MLXIP: variants seen among roughly 807,000 people sequenced by gnomAD.
The protein encoded by MLXIP is MLX-interacting protein.
A neutral mutation model predicts 87.2 loss-of-function variants in MLXIP; 30 were observed. The observed-to-expected ratio is 0.34, with a 90% CI of 0.26 to 0.47. The LOEUF (loss-of-function observed/expected upper bound fraction) is 0.47, where lower values mean the gene tolerates loss of function less well. Among genes scored for constraint, MLXIP ranks in the 20% least tolerant of loss-of-function variants. The probability of loss-of-function intolerance (pLI) is 1.00; values close to 1 mark genes in which losing one functional copy is unlikely to be tolerated. For missense variants in MLXIP, 1,002 were observed against 1,240.1 expected (o/e 0.81, Z 2.88); for synonymous variants, 530 against 514.0 (o/e 1.03, Z -0.42).
chr12:122,087,977 G>A (rs1952192268), intron 1 of MLXIP, among the ~76,000 whole-genome samples: 1 of 152,246 alleles, frequency 6.6e-6, no homozygotes, highest in Non-Finnish European at 1.5e-5. Flanking sequence ...GGCTGGGCAA[G>A]GAGCGGTCAG....
At chr12:122,081,084 C>T (rs1952084425) in intron 1 of MLXIP, among the ~76,000 whole-genome samples, 1 of 152,010 alleles carries the variant, frequency 6.6e-6, no homozygotes, top group East Asian at 1.9e-4. Context: ...TTAGTAATGG[C>T]ATTTTTTTTT....
chr12:122,091,167 A>G (rs1225078473), intron 1 of MLXIP, among the ~76,000 whole-genome samples: 1 of 152,194 alleles, frequency 6.6e-6, no homozygotes, highest in Non-Finnish European at 1.5e-5. Context: ...CTGACTTTCA[A>G]CATTATCTTT....
At chr12:122,111,358 T>G (rs542174511) in intron 1 of MLXIP, among the ~76,000 whole-genome samples, 1 of 152,362 alleles carries the variant, frequency 6.6e-6, no homozygotes, top group Non-Finnish European at 1.5e-5. Context: ...GGCTAGAGAA[T>G]GCTGTTCCTT....
Position 122,129,117 on chromosome 12 carries a change from GCT to G in MLXIP, c.607-15_607-14del. 6.3e-7 allele frequency: 1 copy of G among 1,590,632 alleles called. No individual in the cohort carries two copies. The highest frequency in any genetic ancestry group is 1.7e-4 in the Middle Eastern group (1 of 6,038). On this transcript the variant is annotated intron_variant, in intron 3 of 16. Coordinates refer to ENST00000319080, the MANE Select transcript of MLXIP (RefSeq NM_014938.6). ...TCAAGCAGAGCCCCCTCTTCACTCTGCTCTCTGTCCCTGTCCTAGGCCATCAC... is the reference window on the plus strand; with the variant it reads ...TCAAGCAGAGCCCCCTCTTCACTCTGCTCTGTCCCTGTCCTAGGCCATCAC...
intron 1 of MLXIP, among the ~76,000 whole-genome samples, chr12:122,126,944 T>C (rs922274938): frequency 3.3e-5 from 5 of 152,212 alleles, no homozygotes; most frequent in Admixed American, 3.3e-4. Context: ...GTCTGGTTCA[T>C]GGAATCCTCC....
At chr12:122,080,829 G>A (rs186948014) in intron 1 of MLXIP, among the ~76,000 whole-genome samples, 2 of 152,310 alleles carry the variant, frequency 1.3e-5, no homozygotes, top group East Asian at 3.9e-4. Flanking sequence ...GCTATGCCTC[G>A]AGAGAGCCTT....
chr12:122,130,948 CAG>C lies in MLXIP; in HGVS notation c.1000+22_1000+23del, dbSNP rs1014653130. 6.3e-7 allele frequency: 1 copy of C among 1,581,450 alleles called. No homozygotes were observed. Among genetic ancestry groups the C allele is most frequent in the African/African-American group, 1.3e-5 (1 of 74,260 alleles). ...GCCTTTCCAGGGTGAGGACCAGAGG[CAG>C]AGAGAGCACGGTTGCCTCCATCTCC... is the stretch of plus-strand genomic sequence containing the variant. On this transcript the variant is annotated intron_variant, in intron 7 of 16. Transcript: ENST00000319080.
rs762969814 is a variant in MLXIP, at chr12:122,138,435, C to T, written c.2268C>T (p.Ala756=). 5.6e-6 allele frequency: 9 copies of T among 1,613,714 alleles called. No individual in the cohort carries two copies. In the East Asian group the frequency reaches 6.7e-5, roughly 12 times the overall value. The change falls in exon 14 of 17, where the codon GCC becomes GCT. Residue 756 remains alanine (A), a synonymous_variant. Transcript: ENST00000319080. ...ISNNSKLTSH[A]ITLQKTVEYI... Reference sequence around the variant, plus strand: ...TGCCCCTTCTGCAGACCAGTCACGCCATCACACTGCAGAAGACTGTGGAGT... The same window carrying T: ...TGCCCCTTCTGCAGACCAGTCACGCTATCACACTGCAGAAGACTGTGGAGT...
rs975190267 is a variant in MLXIP at position 122,140,960 on chromosome 12, A to C, written c.2515A>C (p.Ile839Leu). The change falls in exon 16 of 17, where the codon ATC (isoleucine) becomes CTC (leucine). Residue 839 changes from isoleucine to leucine, a missense_variant. Coordinates refer to ENST00000319080, the MANE Select transcript of MLXIP (RefSeq NM_014938.6). The part of the protein sequence containing the change: ...LQNWKFWIFS[I>L]IIKPLFESFK... ...CTTTAACCACACACTGCAGTTCAGC[A>C]TCATCATCAAGCCGCTGTTTGAGTC... 6.2e-7 allele frequency: 1 copy of C among 1,613,866 alleles called. No individual in the cohort carries two copies. The highest frequency in any genetic ancestry group is 1.3e-5 in the African/African-American group (1 of 74,912).
chr12:122,086,287 A>G (rs1339582857), intron 1 of MLXIP, among the ~76,000 whole-genome samples: 1 of 149,984 alleles, frequency 6.7e-6, no homozygotes, highest in Non-Finnish European at 1.5e-5. Context: ...CAGTGACAAC[A>G]GGAAACTCAT....
At chr12:122,119,694 T>C (rs976946013) in intron 1 of MLXIP, among the ~76,000 whole-genome samples, 4 of 152,234 alleles carry the variant, frequency 2.6e-5, no homozygotes, top group Non-Finnish European at 4.4e-5. Flanking sequence ...CCTGGCGATA[T>C]GCCAGTTTTG....
chr12:122,133,367 C>T lies in MLXIP; in HGVS notation c.1112C>T (p.Thr371Ile), dbSNP rs1336217448. 3.8e-6 allele frequency: 6 copies of T among 1,573,414 alleles called. No individual in the cohort carries two copies. Among genetic ancestry groups the T allele is most frequent in the South Asian group, 1.2e-5 (1 of 86,598 alleles). The change falls in exon 9 of 17, where the codon ACA (threonine) becomes ATA (isoleucine). Residue 371 changes from threonine to isoleucine, a missense_variant. Physicochemically the swap from Thr to Ile is moderately conservative, Grantham distance 89. Transcript: ENST00000319080. This position sits in a 1 kb window ranked among gnomAD's most constrained non-coding sequence, Gnocchi z 4.9. ...PPAQESILPT[T>I]ALPTVSLPDS... ...TTTCAGGAGAGCATCCTGCCGACCA[C>T]AGCCCTCCCCACTGTGAGCCTTCCT...
chr12:122,088,297 C>G (rs1045169560), intron 1 of MLXIP, among the ~76,000 whole-genome samples: 1 of 152,134 alleles, frequency 6.6e-6, no homozygotes, highest in Non-Finnish European at 1.5e-5. Flanking sequence ...TCTGGTGGTG[C>G]TGGAGAAATA....
intron 8 of MLXIP, 53 bp downstream of exon 8, chr12:122,132,436 C>A: frequency 1.4e-6 from 2 of 1,429,058 alleles, no homozygotes; most frequent in Non-Finnish European, 9.7e-7. Flanking sequence ...CACAGGGCTG[C>A]TCATCAAAGG....
chr12:122,139,645 G>A (rs750934330), intron 15 of MLXIP, among the ~76,000 whole-genome samples: 10 of 152,230 alleles, frequency 6.6e-5, no homozygotes, highest in Non-Finnish European at 1.3e-4. Context: ...GCACCTGTGT[G>A]TGCTGGAAGG....
intron 1 of MLXIP, among the ~76,000 whole-genome samples, chr12:122,119,147 G>A (rs888524992): frequency 1.3e-5 from 2 of 151,744 alleles, no homozygotes; most frequent in Non-Finnish European, 2.9e-5. Flanking sequence ...CAGCCTGGGC[G>A]ACAGAGTGAG....
At chr12:122,092,673 C>G (rs1176142870) in intron 1 of MLXIP, among the ~76,000 whole-genome samples, 1 of 152,178 alleles carries the variant, frequency 6.6e-6, no homozygotes, top group East Asian at 1.9e-4. Flanking sequence ...TATCACCCCT[C>G]AGCATCACCA....
intron 1 of MLXIP, among the ~76,000 whole-genome samples, chr12:122,110,813 C>A (rs905802152): frequency 2.0e-5 from 3 of 151,850 alleles, no homozygotes; most frequent in African/African-American, 7.3e-5. Flanking sequence ...CGCAGTGGCT[C>A]ACGCCTGTAA....
Position 122,085,464 on chromosome 12 carries a change from C to T in MLXIP, c.413+6198C>T, listed in dbSNP as rs552437348. Among the ~76,000 whole-genome samples, 6 of 150,354 alleles carry T rather than the reference C, an allele frequency of 4.0e-5. No homozygotes were observed. The East Asian group carries it at 7.8e-4, about 20-fold the overall frequency. The stretch of plus-strand genomic sequence containing the variant: ...TGTCGCCCAGGCTGGAGTGCAATGG[C>T]GCGATCTGGGCTCACTGCAACCTCC... On this transcript the variant is annotated intron_variant, in intron 1 of 16. Coordinates refer to ENST00000319080, the MANE Select transcript of MLXIP (RefSeq NM_014938.6).
Sources: allele counts gnomAD v4.1 joint callset (sites outside exome capture counted in the v4.1 genomes callset), GRCh38; gene constraint gnomAD v4.1.1; non-coding constraint Gnocchi (gnomAD v3.1); transcripts MANE v1.5; gene names NCBI Gene and HGNC (gene_info 2026-07-23, HGNC 2026-07-21).